Variants in CSMD1 observed in about 807,000 individuals in gnomAD.
CSMD1 encodes CUB and Sushi multiple domains 1, also known as CUB and sushi domain-containing protein 1.
A neutral mutation model predicts 417.5 loss-of-function variants in CSMD1; 213 were observed. That is an observed-to-expected ratio of 0.51 (90% CI 0.46 to 0.57). The LOEUF is 0.57. CSMD1 is among the 20% of genes least tolerant of loss of function. CSMD1 has a pLI of 0.00. For synonymous variants in CSMD1, 2,862 were observed against 1,736.8 expected (o/e 1.65, Z -16.11); for missense variants, 6,923 against 4,529.7 (o/e 1.53, Z -15.17).
At chr8:3,497,644 A>C (rs1201977938) in intron 10 of CSMD1, among the ~76,000 whole-genome samples, 1 of 152,200 alleles carries the variant, frequency 6.6e-6, no homozygotes, top group Non-Finnish European at 1.5e-5. Context: ...TTCTGTTTGC[A>C]TGGACTATCT....
chr8:3,468,970 G>C (rs1816934098), intron 11 of CSMD1, 146 bp from the exon 12 acceptor site: 2 of 551,206 alleles, frequency 3.6e-6, no homozygotes, highest in Non-Finnish European at 6.5e-6. Context: ...ACAGCCTCTG[G>C]TCCATTATAT....
intron 3 of CSMD1, among the ~76,000 whole-genome samples, chr8:4,178,145 C>T (rs1199489855): frequency 6.6e-6 from 1 of 152,138 alleles, no homozygotes; most frequent in East Asian, 1.9e-4. Flanking sequence ...AATTTTAGAC[C>T]AATATCCTTG....
chr8:4,378,957 C>A (rs1435753374), intron 3 of CSMD1, among the ~76,000 whole-genome samples: 1 of 152,120 alleles, frequency 6.6e-6, no homozygotes, highest in Non-Finnish European at 1.5e-5. Context: ...ATTTATAAGC[C>A]TTCCAGTTTA....
intron 37 of CSMD1, among the ~76,000 whole-genome samples, chr8:3,175,535 TCTTCCCTCCCTCCCTCTCTCCCTCCCTG>T (rs1563111787): frequency 2.1e-5 from 3 of 144,668 alleles, no homozygotes; most frequent in Non-Finnish European, 4.5e-5. Flanking sequence ...CTTCCTTCCT[TCTTCCCTCCCTCCCTCTCTCCCTCCCTG>T]CCTTCCTTCC....
chr8:4,700,924 G>C (rs977713564), intron 1 of CSMD1, among the ~76,000 whole-genome samples: 3 of 152,176 alleles, frequency 2.0e-5, no homozygotes, highest in Non-Finnish European at 4.4e-5. Flanking sequence ...GAGGAGCAGA[G>C]AACACTGTGG....
chr8:4,951,950 A>C (rs1181859682), intron 1 of CSMD1, among the ~76,000 whole-genome samples: 1 of 151,512 alleles, frequency 6.6e-6, no homozygotes, highest in African/African-American at 2.4e-5. Flanking sequence ...TAGGCCTGAA[A>C]CTGGTGACTC....
intron 35 of CSMD1, among the ~76,000 whole-genome samples, chr8:3,188,461 C>G (rs1423659131): frequency 1.3e-5 from 2 of 151,688 alleles, no homozygotes; most frequent in Admixed American, 6.6e-5. Flanking sequence ...CGTATACTAC[C>G]ATGCCTGGCT....
intron 1 of CSMD1, among the ~76,000 whole-genome samples, chr8:4,747,216 C>T (rs1310466449): frequency 6.6e-6 from 1 of 152,154 alleles, no homozygotes; most frequent in African/African-American, 2.4e-5. Flanking sequence ...TTTCTACCTT[C>T]AGTAATGAAC....
intron 1 of CSMD1, among the ~76,000 whole-genome samples, chr8:4,785,762 C>G (rs1797369878): frequency 6.6e-6 from 1 of 152,154 alleles, no homozygotes; most frequent in Admixed American, 6.5e-5. Flanking sequence ...AATAATAGTA[C>G]TTTTATTCTC....
chr8:3,049,918 C>T (rs1423079567), intron 50 of CSMD1, among the ~76,000 whole-genome samples: 1 of 152,012 alleles, frequency 6.6e-6, no homozygotes, highest in Non-Finnish European at 1.5e-5. Flanking sequence ...TTGCTGTGAA[C>T]CTAAAACTAC....
chr8:3,229,459 C>G (rs1366419890), intron 27 of CSMD1, among the ~76,000 whole-genome samples: 1 of 152,126 alleles, frequency 6.6e-6, no homozygotes, highest in Non-Finnish European at 1.5e-5. Flanking sequence ...TAAATTGTCT[C>G]AGGTGGCTAT....
intron 1 of CSMD1, among the ~76,000 whole-genome samples, chr8:4,743,236 T>G (rs1183009373): frequency 6.6e-6 from 1 of 152,176 alleles, no homozygotes; most frequent in Non-Finnish European, 1.5e-5. Flanking sequence ...TTAGACATAA[T>G]CTATTTTAAA....
chr8:4,614,321 C>A (rs1801354849), intron 2 of CSMD1, among the ~76,000 whole-genome samples: 1 of 152,110 alleles, frequency 6.6e-6, no homozygotes, highest in Admixed American at 6.6e-5. Context: ...GTAGAAAATC[C>A]TGTCTTGAAG....
rs947793379 is a variant in CSMD1, at chr8:2,957,754, G to C, written c.9756C>G (p.Ser3252=). 5.0e-6 allele frequency: 8 copies of C among 1,599,584 alleles called. No homozygotes were observed. In the African/African-American group the frequency reaches 1.1e-4, roughly 21 times the overall value. ...RCRKGYHIQG[S]TTRTCLANLT... ...AATTGGCAAGGCAGGTGCGAGTCGT[G>C]GAACCTTGAATATGGTAGCCTTTTC... is the stretch of plus-strand genomic sequence containing the variant. Residue 3252 remains serine (S), a synonymous_variant, in exon 63 of 70, where the codon TCC becomes TCG. Coordinates refer to ENST00000635120, the MANE Select transcript of CSMD1 (RefSeq NM_033225.6).
intron 8 of CSMD1, among the ~76,000 whole-genome samples, chr8:3,614,577 T>A (rs1402839635): frequency 1.3e-5 from 2 of 152,222 alleles, no homozygotes; most frequent in Admixed American, 1.3e-4. Context: ...TCTGTCATTT[T>A]TTTAAAACAT....
chr8:3,686,700 C>T (rs1799960954), intron 7 of CSMD1, among the ~76,000 whole-genome samples: 3 of 152,176 alleles, frequency 2.0e-5, no homozygotes, highest in Non-Finnish European at 4.4e-5. Context: ...CGATCCCTTA[C>T]CCTCGCCCAA....
At chr8:4,859,596 G>A (rs566818126) in intron 1 of CSMD1, among the ~76,000 whole-genome samples, 332 of 152,014 alleles carry the variant, frequency 2.2e-3, no homozygotes, top group African/African-American at 7.1e-3. Flanking sequence ...AAAAGTGGGC[G>A]AAGGACATGA....
intron 5 of CSMD1, among the ~76,000 whole-genome samples, chr8:3,890,793 T>A (rs943574663): frequency 1.2e-4 from 18 of 152,118 alleles, no homozygotes; most frequent in African/African-American, 4.1e-4. Context: ...TCCTCAGACA[T>A]TTCCAGGGAC....
At chr8:3,121,912 T>A (rs1209942422) in intron 41 of CSMD1, among the ~76,000 whole-genome samples, 1 of 152,184 alleles carries the variant, frequency 6.6e-6, no homozygotes, top group African/African-American at 2.4e-5. Context: ...TAAACTGTCA[T>A]AAGTTCAAAT....
Sources: gnomAD v4.1 joint callset for allele counts (sites outside exome capture counted in the v4.1 genomes callset) on GRCh38, gnomAD v4.1.1 for gene constraint, MANE v1.5 for transcripts, NCBI Gene and HGNC (gene_info 2026-07-23, HGNC 2026-07-21) for gene names.